SDHAF3: variants seen among roughly 807,000 people sequenced by gnomAD.
SDHAF3 encodes succinate dehydrogenase complex assembly factor 3.
SDHAF3 carries 18 observed loss-of-function variants against 11.5 expected under a neutral mutation model. The ratio of observed to expected loss-of-function variants is 1.56; its 90% CI spans 1.08 to 2.32. The LOEUF is 2.32. Among genes scored for constraint, SDHAF3 ranks in the 30% most tolerant of loss-of-function variants. The probability of loss-of-function intolerance (pLI) is 0.00; values close to 1 mark genes in which losing one functional copy is unlikely to be tolerated. For missense variants in SDHAF3, 200 were observed against 154.4 expected, an observed-to-expected ratio of 1.30 and a Z score of -1.57; for synonymous variants, 72 against 59.3, an observed-to-expected ratio of 1.21 and a Z score of -0.99.
At position 97,148,694 on chromosome 7, in the gene SDHAF3, A is replaced by G. The variant is rs75671614; in HGVS notation, c.174+30797A>G. ...AAGCTAACAGCATTCAACTTTTTTC[A>G]AAGTAGTTCTTTTGTTAACAGTCTA... is the stretch of plus-strand genomic sequence containing the variant. On this transcript the variant is annotated intron_variant, in intron 1 of 1. Transcript: ENST00000432641. 4.5e-3 allele frequency among the ~76,000 whole-genome samples: 684 copies of G among 152,334 alleles called. 9 individuals carry two copies. Among genetic ancestry groups the G allele is most frequent in the African/African-American group, 0.016 (645 of 41,588 alleles).
At chr7:97,166,315 A>C (rs1228843374) in intron 1 of SDHAF3, among the ~76,000 whole-genome samples, 1 of 152,208 alleles carries the variant, frequency 6.6e-6, no homozygotes, top group Non-Finnish European at 1.5e-5. Flanking sequence ...CAGTAAATAC[A>C]TGTAAGATGT....
intron 1 of SDHAF3, 129 bp from the exon 2 acceptor site, chr7:97,180,883 C>G: frequency 1.4e-6 from 1 of 712,926 alleles, no homozygotes; most frequent in Non-Finnish European, 2.3e-6. Flanking sequence ...ATATTTATAT[C>G]TCCTTAACCA....
At chr7:97,131,730 T>C (rs1168739877) in intron 1 of SDHAF3, among the ~76,000 whole-genome samples, 1 of 152,158 alleles carries the variant, frequency 6.6e-6, no homozygotes, top group Admixed American at 6.6e-5. Context: ...AAAGAACTTA[T>C]TTAGCTCAAT....
rs776532005 is a variant in SDHAF3 at position 97,117,738 on chromosome 7, C to A, written c.15C>A (p.His5Gln). MPGRHVSRVRALYKR... is the reference protein window; with the variant it reads MPGRQVSRVRALYKR... The stretch of plus-strand genomic sequence containing the variant: ...CGTGGGGCGCTATGCCGGGGCGGCA[C>A]GTTTCTCGAGTCCGGGCATTGTACA... Residue 5 changes from histidine (H) to glutamine (Q), a missense_variant, in exon 1 of 2, where the codon CAC becomes CAA. Coordinates refer to ENST00000432641, the MANE Select transcript of SDHAF3 (RefSeq NM_020186.3). 8 of 1,613,094 alleles carry A rather than the reference C, an allele frequency of 5.0e-6. No individual in the cohort carries two copies. The highest frequency in any genetic ancestry group is 6.8e-6 in the Non-Finnish European group (8 of 1,179,552).
At chr7:97,123,887 C>G (rs1791536103) in intron 1 of SDHAF3, among the ~76,000 whole-genome samples, 1 of 138,434 alleles carries the variant, frequency 7.2e-6, no homozygotes. Flanking sequence ...CTTGTAGATT[C>G]TGGATAGTAG....
chr7:97,122,107 T>G (rs1791510019), intron 1 of SDHAF3, among the ~76,000 whole-genome samples: 1 of 152,166 alleles, frequency 6.6e-6, no homozygotes, highest in Non-Finnish European at 1.5e-5. Flanking sequence ...TCCGCCCACC[T>G]GGGCCTCCCA....
chr7:97,167,118 G>A (rs1187381856), intron 1 of SDHAF3, among the ~76,000 whole-genome samples: 1 of 151,188 alleles, frequency 6.6e-6, no homozygotes, highest in South Asian at 2.1e-4. Flanking sequence ...GTAACCACCT[G>A]ATATGGTTTG....
intron 1 of SDHAF3, among the ~76,000 whole-genome samples, chr7:97,180,192 G>T (rs1482205014): frequency 6.6e-6 from 1 of 152,192 alleles, no homozygotes; most frequent in Non-Finnish European, 1.5e-5. Context: ...AAAGGTTTAA[G>T]AAGTTTTTCT....
intron 1 of SDHAF3, among the ~76,000 whole-genome samples, chr7:97,120,406 G>A (rs894533964): frequency 1.3e-5 from 2 of 152,110 alleles, no homozygotes; most frequent in Non-Finnish European, 2.9e-5. Context: ...GGCTAGAGAA[G>A]ATGCTAATGA....
chr7:97,118,954 A>G (rs1237619466), intron 1 of SDHAF3, among the ~76,000 whole-genome samples: 2 of 152,224 alleles, frequency 1.3e-5, no homozygotes, highest in Non-Finnish European at 2.9e-5. Context: ...TGCCTGAAGC[A>G]GGGAAGTTGA....
At chr7:97,140,432 G>A (rs2115663392) in intron 1 of SDHAF3, among the ~76,000 whole-genome samples, 1 of 137,724 alleles carries the variant, frequency 7.3e-6, no homozygotes, top group South Asian at 2.4e-4. Flanking sequence ...TGCAAGCTCC[G>A]CCTCCCGGGT....
At chr7:97,130,265 C>T (rs1053451726) in intron 1 of SDHAF3, among the ~76,000 whole-genome samples, 1 of 129,482 alleles carries the variant, frequency 7.7e-6, no homozygotes, top group African/African-American at 3.1e-5. Context: ...GAGTGATACC[C>T]AGTCTAAAAA....
At chr7:97,141,721 C>T (rs1213074916) in intron 1 of SDHAF3, among the ~76,000 whole-genome samples, 1 of 152,094 alleles carries the variant, frequency 6.6e-6, no homozygotes. Context: ...GTCTCTATCT[C>T]CTGACCTCGT....
chr7:97,175,224 G>C (rs1054124285), intron 1 of SDHAF3, among the ~76,000 whole-genome samples: 3 of 152,102 alleles, frequency 2.0e-5, no homozygotes, highest in Non-Finnish European at 4.4e-5. Context: ...AGTAATTTAA[G>C]ATAATTTATA....
At chr7:97,170,303 G>A (rs955386078) in intron 1 of SDHAF3, among the ~76,000 whole-genome samples, 2 of 151,916 alleles carry the variant, frequency 1.3e-5, no homozygotes, top group African/African-American at 4.8e-5. Flanking sequence ...TAAATTAAAG[G>A]TTATATATAA....
chr7:97,154,256 A>T (rs928872339), intron 1 of SDHAF3, among the ~76,000 whole-genome samples: 1 of 152,200 alleles, frequency 6.6e-6, no homozygotes, highest in African/African-American at 2.4e-5. Flanking sequence ...GAAACAAATC[A>T]CAATGGTGGA....
At chr7:97,123,736 C>T (rs535044820) in intron 1 of SDHAF3, among the ~76,000 whole-genome samples, 2 of 150,326 alleles carry the variant, frequency 1.3e-5, no homozygotes, top group East Asian at 3.9e-4. Flanking sequence ...TTACATTTCT[C>T]TAATGACCAG....
chr7:97,133,410 G>A (rs1791698392), intron 1 of SDHAF3, among the ~76,000 whole-genome samples: 1 of 152,130 alleles, frequency 6.6e-6, no homozygotes, highest in Admixed American at 6.5e-5. Context: ...AAAATGACAG[G>A]GAGTGGGTAG....
In SDHAF3 at chr7:97,168,480, C is replaced by A. The variant is rs181182228; in HGVS notation, c.175-12532C>A. 6.6e-5 allele frequency among the ~76,000 whole-genome samples: 10 copies of A among 152,246 alleles called. No homozygotes were observed. The East Asian group carries it at 1.9e-3, about 29-fold the overall frequency. On this transcript the variant is annotated intron_variant, in intron 1 of 1. Transcript: ENST00000432641. ...CTCCCAAAGTTAATTCAACCTGTGC[C>A]CAGGAATGAATAAGGATACCTTGGA...
Sources: allele counts gnomAD v4.1 joint callset (sites outside exome capture counted in the v4.1 genomes callset), GRCh38; gene constraint gnomAD v4.1.1; transcripts MANE v1.5; gene names NCBI Gene and HGNC (gene_info 2026-07-23, HGNC 2026-07-21).